The following ABCA13 variants were observed in gnomAD, a reference collection of about 807,000 sequenced individuals.
ABCA13 encodes ATP-binding cassette sub-family A member 13.
In ABCA13, 476 loss-of-function variants were observed where a neutral mutation model predicts 478.7. That is an observed-to-expected ratio of 0.99 (90% CI 0.92 to 1.07). The LOEUF is 1.07. ABCA13 is among the 50% of genes least tolerant of loss of function. The pLI, the probability that ABCA13 is intolerant of heterozygous loss-of-function variation, is 0.00. For synonymous variants in ABCA13, 2,252 were observed against 2,158.9 expected, an observed-to-expected ratio of 1.04 and a Z score of -1.20; for missense variants, 6,060 against 5,910.6, an observed-to-expected ratio of 1.03 and a Z score of -0.83.
chr7:48,514,568 C>T (rs1179084410), intron 51 of ABCA13, among the ~76,000 whole-genome samples: 1 of 152,208 alleles, frequency 6.6e-6, no homozygotes, highest in Non-Finnish European at 1.5e-5. Flanking sequence ...CAAACTTCTA[C>T]TACTGCTTAT....
chr7:48,287,077 G>A (rs1455354128), intron 19 of ABCA13, among the ~76,000 whole-genome samples: 1 of 141,546 alleles, frequency 7.1e-6, no homozygotes, highest in Non-Finnish European at 1.5e-5. Context: ...GCGCAGCAGG[G>A]AGGGGAGGGG....
chr7:48,508,841 T>G (rs373837285), intron 50 of ABCA13, among the ~76,000 whole-genome samples: 33 of 152,194 alleles, frequency 2.2e-4, no homozygotes, highest in African/African-American at 6.8e-4. Flanking sequence ...CATATTAACA[T>G]GTTGCTTTCC....
At chr7:48,261,399 G>A (rs73341753) in intron 15 of ABCA13, among the ~76,000 whole-genome samples, 6,666 of 151,892 alleles carry the variant, frequency 0.044, 370 homozygotes, top group African/African-American at 0.13. Flanking sequence ...TTAAGTTAGT[G>A]TGATACTTAA....
chr7:48,562,126 G>A (rs1786530517), intron 55 of ABCA13, among the ~76,000 whole-genome samples: 2 of 151,096 alleles, frequency 1.3e-5, no homozygotes, highest in East Asian at 3.9e-4. Flanking sequence ...TGGATACAAA[G>A]TTTGCCTGCC....
At chr7:48,356,001 TAGAG>T (rs1179988427) in intron 31 of ABCA13, among the ~76,000 whole-genome samples, 1 of 151,540 alleles carries the variant, frequency 6.6e-6, no homozygotes, top group African/African-American at 2.4e-5. Flanking sequence ...GATAGAAAAA[TAGAG>T]AGGGCCGAGA....
chr7:48,177,198 T>G (rs1794995927), intron 1 of ABCA13, among the ~76,000 whole-genome samples: 1 of 152,260 alleles, frequency 6.6e-6, no homozygotes, highest in South Asian at 2.1e-4. Flanking sequence ...TGGTTTTGCA[T>G]AGTTACATGT....
At chr7:48,360,225 T>G (rs919069826) in intron 31 of ABCA13, among the ~76,000 whole-genome samples, 3 of 135,706 alleles carry the variant, frequency 2.2e-5, no homozygotes, top group African/African-American at 8.2e-5. Flanking sequence ...GTGTGTGATG[T>G]CCCCACTCTG....
chr7:48,486,749 T>C (rs1301090242), intron 47 of ABCA13, among the ~76,000 whole-genome samples: 1 of 152,186 alleles, frequency 6.6e-6, no homozygotes, highest in Non-Finnish European at 1.5e-5. Context: ...TGGGCTGGGC[T>C]GATCTTGGCC....
intron 20 of ABCA13, among the ~76,000 whole-genome samples, chr7:48,290,679 T>C (rs1584663987): frequency 6.6e-6 from 1 of 152,180 alleles, no homozygotes; most frequent in East Asian, 1.9e-4. Flanking sequence ...TTGCATGCAG[T>C]TACAAATTAC....
intron 29 of ABCA13, among the ~76,000 whole-genome samples, chr7:48,347,215 C>T (rs1808255893): frequency 6.6e-6 from 1 of 152,054 alleles, no homozygotes; most frequent in South Asian, 2.1e-4. Context: ...ATGAAATGTC[C>T]AAAGGAATCA....
At chr7:48,607,158 C>T (rs969542888) in intron 58 of ABCA13, among the ~76,000 whole-genome samples, 3 of 152,164 alleles carry the variant, frequency 2.0e-5, no homozygotes, top group Non-Finnish European at 2.9e-5. Flanking sequence ...GGGTGGGACC[C>T]GCTGAGCCAG....
chr7:48,206,863 G>A (rs1158859063), intron 3 of ABCA13, among the ~76,000 whole-genome samples: 2 of 151,792 alleles, frequency 1.3e-5, no homozygotes, highest in African/African-American at 2.4e-5. Flanking sequence ...ATAAATTATT[G>A]TTATCTATAG....
intron 45 of ABCA13, among the ~76,000 whole-genome samples, chr7:48,474,719 G>A (rs555216371): frequency 1.8e-4 from 28 of 152,236 alleles, no homozygotes; most frequent in Admixed American, 5.9e-4. Flanking sequence ...TATTTTGGGG[G>A]ATTGTTTTCT....
intron 55 of ABCA13, among the ~76,000 whole-genome samples, chr7:48,560,295 C>T (rs1786318066): frequency 6.6e-6 from 1 of 152,146 alleles, no homozygotes; most frequent in Non-Finnish European, 1.5e-5. Flanking sequence ...TCTGCTGTGA[C>T]AGGGCAGCAT....
intron 35 of ABCA13, among the ~76,000 whole-genome samples, chr7:48,377,197 A>G (rs1299221588): frequency 6.6e-6 from 1 of 151,894 alleles, no homozygotes; most frequent in Non-Finnish European, 1.5e-5. Flanking sequence ...AATGGCCAAA[A>G]AAAAAAAAAA....
rs71006572 is a variant in ABCA13, at chr7:48,644,589, C to CTTTTT, written c.14944-13_14944-9dup. On this transcript the variant is annotated intron_variant, in intron 60 of 61. Transcript: ENST00000435803. ...GTTTAATAATGCTAGTTATATGATA[C>CTTTTT]TTTTTTTTTTTTTTTTTTTGCTTTT... 18 of 1,413,334 alleles carry CTTTTT rather than the reference C, an allele frequency of 1.3e-5. No homozygotes were observed. The African/African-American group carries it at 1.6e-4, about 13-fold the overall frequency. 87.5% of individuals were successfully genotyped at this position (1,413,334 alleles called of 1,614,324 possible).
chr7:48,278,910 A>G lies in ABCA13; in HGVS notation c.7716A>G (p.Glu2572=), dbSNP rs749342390. The G allele has an allele frequency of 6.2e-7, 1 of 1,613,302 alleles. No individual in the cohort carries two copies. The highest frequency in any genetic ancestry group is 8.5e-7 in the Non-Finnish European group (1 of 1,179,858). ...AAAGTGTTCAAAATCTTGTGAAAGA[A>G]ATAGCTACTTTAAAAAAAATAGATC... ...MQQSVQNLVK[E]IATLKKIDHF... The change falls in exon 18 of 62, where the codon GAA becomes GAG. Residue 2572 remains glutamate (E), a synonymous_variant. Coordinates refer to ENST00000435803, the MANE Select transcript of ABCA13 (RefSeq NM_152701.5).
At position 48,511,207 on chromosome 7, in the gene ABCA13, A is replaced by G; in HGVS notation, c.13640+8A>G. 1.9e-6 allele frequency: 3 copies of G among 1,601,196 alleles called. No individual in the cohort carries two copies. Among genetic ancestry groups the G allele is most frequent in the Non-Finnish European group, 2.6e-6 (3 of 1,172,132 alleles). On this transcript the variant is annotated splice_region_variant and intron_variant, in intron 51 of 61. Transcript: ENST00000435803. The stretch of plus-strand genomic sequence containing the variant: ...CCTGCTGTCACTTTTCGGGTATGTG[A>G]TGAGAAACGCTGCTGCAGAATTACG...
intron 25 of ABCA13, among the ~76,000 whole-genome samples, chr7:48,313,708 G>A (rs1182369286): frequency 1.3e-5 from 2 of 152,194 alleles, no homozygotes; most frequent in Non-Finnish European, 2.9e-5. Context: ...CTTTTTGCCT[G>A]GGATGGAACT....
Sources: gnomAD v4.1 joint callset for allele counts (sites outside exome capture counted in the v4.1 genomes callset) on GRCh38, gnomAD v4.1.1 for gene constraint, MANE v1.5 for transcripts, NCBI Gene and HGNC (gene_info 2026-07-23, HGNC 2026-07-21) for gene names.